Variants in MMP21 observed in about 807,000 individuals in gnomAD.
MMP21 encodes the protein matrix metalloproteinase-21.
MMP21 carries 40 observed loss-of-function variants against 47.8 expected under a neutral mutation model. The ratio of observed to expected loss-of-function variants is 0.84; its 90% CI spans 0.65 to 1.09. MMP21 has a LOEUF of 1.09. MMP21 is among the 50% of genes least tolerant of loss of function. The pLI, the probability that MMP21 is intolerant of heterozygous loss-of-function variation, is 0.00. For synonymous variants in MMP21, 341 were observed against 318.0 expected (o/e 1.07, Z -0.77); for missense variants, 747 against 775.3 (o/e 0.96, Z 0.43).
At position 125,773,905 on chromosome 10, in the gene MMP21, A is replaced by T; in HGVS notation, c.623T>A (p.Val208Glu). The T allele has an allele frequency of 6.3e-7, 1 of 1,582,778 alleles. No homozygotes were observed. The part of the protein sequence containing the change: ...VALAFRMWSE[V>E]TPLDFREDLA... ...GTCCTCGCGGAAGTCCAGCGGCGTCACCTCGCTCCACATCCTGAAGGCCAG... is the reference window on the plus strand; with the variant it reads ...GTCCTCGCGGAAGTCCAGCGGCGTCTCCTCGCTCCACATCCTGAAGGCCAG... Residue 208 changes from valine (V) to glutamate (E), a missense_variant, in exon 2 of 7, where the codon GTG (valine) becomes GAG (glutamate). Val to Glu is a moderately radical substitution (Grantham distance 121). Transcript: ENST00000368808. This position sits in a 1 kb window ranked among gnomAD's most constrained non-coding sequence, Gnocchi z 4.8.
In MMP21 at chr10:125,772,806, A is replaced by G; in HGVS notation, c.698-56T>C. 1 of 1,586,696 alleles carries G rather than the reference A, an allele frequency of 6.3e-7. No individual in the cohort carries two copies. The highest frequency in any genetic ancestry group is 1.3e-5 in the African/African-American group (1 of 74,472). On this transcript the variant is annotated intron_variant, in intron 2 of 6. Coordinates refer to ENST00000368808, the MANE Select transcript of MMP21 (RefSeq NM_147191.1). The surrounding 1 kb of genome is among the most constrained non-coding windows in gnomAD (Gnocchi z 5.6). ...TGAAGGATGAGTGCCCCCCATACAGACTCCTCACCTAGGGGGTCCCCAGCC... is the reference window on the plus strand; with the variant it reads ...TGAAGGATGAGTGCCCCCCATACAGGCTCCTCACCTAGGGGGTCCCCAGCC...
intron 5 of MMP21, among the ~76,000 whole-genome samples, chr10:125,769,594 A>G (rs1269874661): frequency 6.6e-6 from 1 of 152,118 alleles, no homozygotes; most frequent in East Asian, 1.9e-4. Flanking sequence ...TGGGCATCCC[A>G]GATCCCACCC....
In MMP21 at chr10:125,774,175, C is replaced by G; in HGVS notation, c.353G>C (p.Gly118Ala). The G allele has an allele frequency of 3.1e-6, 4 of 1,274,656 alleles. No homozygotes were observed. Among genetic ancestry groups the G allele is most frequent in the East Asian group, 3.3e-5 (1 of 29,978 alleles). The allele number at this position is 1,274,656 out of a possible 1,614,324, so 79.0% of individuals were successfully genotyped here. ...TLAAMNRPRC[G>A]VPDMRPPPPS... Reference sequence around the variant, plus strand: ...GGGCGGTGGGCGCATGTCCGGGACCCCGCAGCGCGGCCGGTTCATGGCCGC... The same window carrying G: ...GGGCGGTGGGCGCATGTCCGGGACCGCGCAGCGCGGCCGGTTCATGGCCGC... Residue 118 changes from glycine (G) to alanine (A), a missense_variant, in exon 2 of 7, where the codon GGG becomes GCG. Gly to Ala is a moderately conservative substitution (Grantham distance 60, BLOSUM62 0). Transcript: ENST00000368808.
rs1241263076 is a variant in MMP21 at position 125,774,231 on chromosome 10, C to T, written c.297G>A (p.Pro99=). 6.4e-6 allele frequency: 9 copies of T among 1,396,762 alleles called. No homozygotes were observed. Among genetic ancestry groups the T allele is most frequent in the Admixed American group, 3.1e-5 (1 of 32,776 alleles). The allele number at this position is 1,396,762 out of a possible 1,614,324, so 86.5% of individuals were successfully genotyped here. A position where few individuals can be genotyped will look rare whatever the true frequency, so the allele number is the denominator to read the frequency against. The change falls in exon 2 of 7, where the codon CCG becomes CCA. Residue 99 remains proline, a synonymous_variant. Coordinates refer to ENST00000368808, the MANE Select transcript of MMP21 (RefSeq NM_147191.1). The stretch of plus-strand genomic sequence containing the variant: ...TGGCCGCGTCCAGCTCCCCGCTGGC[C>T]GGCAGCGCGTTCGCCCGCTGGAACC... The part of the protein sequence containing the change: ...VRRFQRANAL[P]ASGELDAATL...
In MMP21 at chr10:125,773,661, C is replaced by T. The variant is rs937575320; in HGVS notation, c.697+170G>A. 1.3e-5 allele frequency among the ~76,000 whole-genome samples: 2 copies of T among 152,068 alleles called. No individual in the cohort carries two copies. Among genetic ancestry groups the T allele is most frequent in the African/African-American group, 4.8e-5 (2 of 41,436 alleles). On this transcript the variant is annotated intron_variant, in intron 2 of 6. Coordinates refer to ENST00000368808, the MANE Select transcript of MMP21 (RefSeq NM_147191.1). This position sits in a 1 kb window ranked among gnomAD's most constrained non-coding sequence, Gnocchi z 4.8. ...GGCTATCTGCAGGGTGACCATGATT[C>T]CGACAAGACGACGCTGACCGGTGGC...
At position 125,772,815 on chromosome 10, in the gene MMP21, C is replaced by G; in HGVS notation, c.698-65G>C. 6.4e-7 allele frequency: 1 copy of G among 1,571,090 alleles called. No individual in the cohort carries two copies. The highest frequency in any genetic ancestry group is 8.6e-7 in the Non-Finnish European group (1 of 1,156,192). Reference sequence around the variant, plus strand: ...AGTGCCCCCCATACAGACTCCTCACCTAGGGGGTCCCCAGCCTCCAGGAGC... The same window carrying G: ...AGTGCCCCCCATACAGACTCCTCACGTAGGGGGTCCCCAGCCTCCAGGAGC... On this transcript the variant is annotated intron_variant, in intron 2 of 6. Coordinates refer to ENST00000368808, the MANE Select transcript of MMP21 (RefSeq NM_147191.1). This position sits in a 1 kb window ranked among gnomAD's most constrained non-coding sequence, Gnocchi z 5.6.
Position 125,766,849 on chromosome 10 carries a change from G to C in MMP21, c.1523C>G (p.Ser508Cys). 1.2e-6 allele frequency: 2 copies of C among 1,613,736 alleles called. No individual in the cohort carries two copies. Among genetic ancestry groups the C allele is most frequent in the Non-Finnish European group, 1.7e-6 (2 of 1,179,892 alleles). ...GTTGTATGCATAGGAGTAATAAGCG[G>C]AATCTATATTTCTGAAAGGATGATT... ...PQNHPFRNID[S>C]AYYSYAYNSI... Residue 508 changes from serine to cysteine, a missense_variant, in exon 7 of 7, where the codon TCC becomes TGC. Ser to Cys is a moderately radical substitution (Grantham distance 112, BLOSUM62 -1). Coordinates refer to ENST00000368808, the MANE Select transcript of MMP21 (RefSeq NM_147191.1).
chr10:125,769,655 T>A (rs1222521656), intron 5 of MMP21, among the ~76,000 whole-genome samples: 1 of 152,204 alleles, frequency 6.6e-6, no homozygotes, highest in African/African-American at 2.4e-5. Context: ...AGCACCCAAT[T>A]CCAGGTAGCA....
Position 125,773,874 on chromosome 10 carries a change from G to A in MMP21, c.654C>T (p.Ala218=). 4 of 1,572,494 alleles carry A rather than the reference G, an allele frequency of 2.5e-6. No homozygotes were observed. The highest frequency in any genetic ancestry group is 3.4e-6 in the Non-Finnish European group (4 of 1,166,424). Residue 218 remains alanine, a synonymous_variant, in exon 2 of 7, where the codon GCC becomes GCT. Coordinates refer to ENST00000368808, the MANE Select transcript of MMP21 (RefSeq NM_147191.1). The surrounding 1 kb of genome is among the most constrained non-coding windows in gnomAD (Gnocchi z 4.8). ...TGATGTCGACCGCGGCCCCGGGGGCGGCCAGGTCCTCGCGGAAGTCCAGCG... is the reference window on the plus strand; with the variant it reads ...TGATGTCGACCGCGGCCCCGGGGGCAGCCAGGTCCTCGCGGAAGTCCAGCG... ...VTPLDFREDL[A]APGAAVDIKL...
intron 6 of MMP21, 113 bp from the exon 7 acceptor site, chr10:125,767,074 A>G (rs1033490913): frequency 1.2e-6 from 1 of 852,410 alleles, no homozygotes; most frequent in Non-Finnish European, 1.8e-6. Flanking sequence ...TTTAGACTTG[A>G]ACTTCTTAAT....
chr10:125,767,939 T>C (rs1850404385), intron 5 of MMP21, among the ~76,000 whole-genome samples: 1 of 152,196 alleles, frequency 6.6e-6, no homozygotes, highest in Non-Finnish European at 1.5e-5. Context: ...ACTGCTGCAG[T>C]TGGAATGCTG....
intron 1 of MMP21, among the ~76,000 whole-genome samples, 175 bp downstream of exon 1, chr10:125,775,485 T>C (rs1379191152): frequency 2.0e-5 from 3 of 152,342 alleles, no homozygotes; most frequent in Non-Finnish European, 2.9e-5. Context: ...CATCGATTCA[T>C]GGTTGTTCCA....
intron 5 of MMP21, 24 bp from the exon 6 acceptor site, chr10:125,767,728 C>T: frequency 6.2e-7 from 1 of 1,612,280 alleles, no homozygotes; most frequent in South Asian, 1.1e-5. Flanking sequence ...AAAATACGTT[C>T]ATGTGGTTTA....
Position 125,773,604 on chromosome 10 carries a change from G to C in MMP21, c.697+227C>G, listed in dbSNP as rs985419905. 6.6e-6 allele frequency among the ~76,000 whole-genome samples: 1 copy of C among 151,874 alleles called. No individual in the cohort carries two copies. The highest frequency in any genetic ancestry group is 2.4e-5 in the African/African-American group (1 of 41,334). ...AGCCCGGGCAGCAGCCTGTGCCCAG[G>C]GCCGGCCCTAGTGTCCCAGTAGGCC... On this transcript the variant is annotated intron_variant, in intron 2 of 6. Coordinates refer to ENST00000368808, the MANE Select transcript of MMP21 (RefSeq NM_147191.1). This position sits in a 1 kb window ranked among gnomAD's most constrained non-coding sequence, Gnocchi z 4.8.
intron 5 of MMP21, among the ~76,000 whole-genome samples, chr10:125,768,202 C>CTTGA: frequency 6.6e-6 from 1 of 152,072 alleles, no homozygotes; most frequent in Admixed American, 6.5e-5. Context: ...TGGATTATAC[C>CTTGA]TTGAGTGTTT....
chr10:125,770,776 C>G (rs1850437430), intron 4 of MMP21, among the ~76,000 whole-genome samples, 185 bp from the exon 5 acceptor site: 1 of 151,682 alleles, frequency 6.6e-6, no homozygotes, highest in Non-Finnish European at 1.5e-5. Flanking sequence ...ATCCCAGCAC[C>G]TTGGGAGACC....
chr10:125,767,292 AC>A (rs1254389756), intron 6 of MMP21, among the ~76,000 whole-genome samples: 1 of 152,004 alleles, frequency 6.6e-6, no homozygotes. Flanking sequence ...GTGCCACCAC[AC>A]CTGGATAATT....
intron 5 of MMP21, among the ~76,000 whole-genome samples, chr10:125,768,272 G>A (rs1850407262): frequency 6.6e-6 from 1 of 152,168 alleles, no homozygotes; most frequent in Non-Finnish European, 1.5e-5. Flanking sequence ...GGAGTAGAGA[G>A]CTGAAGTGAC....
Position 125,766,662 on chromosome 10 carries a change from T to G in MMP21, c.1710A>C (p.Ter570TyrextTer1), listed in dbSNP as rs111343116. 1 of 1,585,306 alleles carries G rather than the reference T, an allele frequency of 6.3e-7. No homozygotes were observed. Among genetic ancestry groups the G allele is most frequent in the South Asian group, 1.2e-5 (1 of 85,342 alleles). ...ACCCTCCATTTCCTACTTTTTCTTATTACATGTTCAGTGTGGAGATATGGA... is the reference window on the plus strand; with the variant it reads ...ACCCTCCATTTCCTACTTTTTCTTAGTACATGTTCAGTGTGGAGATATGGA... ...CDVHISTLNM[*>Y] The change falls in exon 7 of 7, where the codon TAA becomes TAC. Residue 570 changes from the stop codon to tyrosine (Y), a stop_lost. Coordinates refer to ENST00000368808, the MANE Select transcript of MMP21 (RefSeq NM_147191.1).
Sources: allele counts gnomAD v4.1 joint callset (sites outside exome capture counted in the v4.1 genomes callset), GRCh38; gene constraint gnomAD v4.1.1; non-coding constraint Gnocchi (gnomAD v3.1); transcripts MANE v1.5; gene names NCBI Gene and HGNC (gene_info 2026-07-23, HGNC 2026-07-21).